Variants in MAML3 observed in about 807,000 individuals in gnomAD.
MAML3 encodes the protein mastermind like transcriptional coactivator 3, also known as mastermind-like protein 3.
In MAML3, 27 loss-of-function variants were observed where a neutral mutation model predicts 101.9. The ratio of observed to expected loss-of-function variants is 0.27; its 90% confidence interval spans 0.20 to 0.37. The LOEUF is 0.37. Ranked by LOEUF, MAML3 falls within the 10% of genes least tolerant of loss-of-function variation. The probability of loss-of-function intolerance (pLI) is 1.00; values close to 1 mark genes in which losing one functional copy is unlikely to be tolerated. For synonymous variants in MAML3, 501 were observed against 555.9 expected, an observed-to-expected ratio of 0.90 and a Z score of 1.39; for missense variants, 1,316 against 1,444.9, an observed-to-expected ratio of 0.91 and a Z score of 1.45.
At chr4:139,829,100 GGAAA>G (rs34351788) in intron 2 of MAML3, among the ~76,000 whole-genome samples, 2,881 of 147,342 alleles carry the variant, frequency 0.02, 102 homozygotes, top group African/African-American at 0.068. Flanking sequence ...AAGGGGAAAA[GGAAA>G]GAAAGGAAGA....
intron 2 of MAML3, among the ~76,000 whole-genome samples, chr4:139,741,443 T>A (rs780708385): frequency 1.3e-5 from 2 of 152,212 alleles, no homozygotes; most frequent in Non-Finnish European, 2.9e-5. Flanking sequence ...AAATAGCATC[T>A]ATTTTACAGC....
At chr4:140,138,806 T>C (rs1315795595) in intron 1 of MAML3, among the ~76,000 whole-genome samples, 1 of 152,204 alleles carries the variant, frequency 6.6e-6, no homozygotes. Flanking sequence ...GTATTATCAC[T>C]TAGGCATCCT....
At chr4:139,782,056 G>T (rs972067286) in intron 2 of MAML3, among the ~76,000 whole-genome samples, 1 of 152,148 alleles carries the variant, frequency 6.6e-6, no homozygotes, top group African/African-American at 2.4e-5. Context: ...GGGACAAAGA[G>T]ATCTGAGTAA....
intron 2 of MAML3, among the ~76,000 whole-genome samples, chr4:139,876,129 G>GA (rs370989625): frequency 2.7e-5 from 4 of 150,254 alleles, no homozygotes; most frequent in Admixed American, 1.3e-4. Context: ...CACTTGGTAT[G>GA]AAAAAAAAAG....
At chr4:140,006,328 G>A (rs977228014) in intron 1 of MAML3, among the ~76,000 whole-genome samples, 2 of 152,100 alleles carry the variant, frequency 1.3e-5, no homozygotes, top group South Asian at 2.1e-4. Flanking sequence ...GCTCACCCCT[G>A]TAATCCCAGC....
At chr4:139,828,975 G>GAGGAAGGAAGGA (rs548032946) in intron 2 of MAML3, among the ~76,000 whole-genome samples, 23 of 135,200 alleles carry the variant, frequency 1.7e-4, no homozygotes, top group Middle Eastern at 4.0e-3. Context: ...CCTGTTGAAA[G>GAGGAAGGAAGGA]AGGAAGGAAG....
chr4:140,034,552 G>A (rs1726955684), intron 1 of MAML3, among the ~76,000 whole-genome samples: 1 of 152,154 alleles, frequency 6.6e-6, no homozygotes. Context: ...AATGATGTCT[G>A]ATCACCTCAC....
intron 1 of MAML3, among the ~76,000 whole-genome samples, chr4:140,027,264 A>G (rs149015799): frequency 2.0e-5 from 3 of 152,290 alleles, no homozygotes; most frequent in African/African-American, 7.2e-5. Flanking sequence ...TGTTTTCCTC[A>G]TGGTGTAACA....
chr4:140,095,225 A>C (rs1388218637), intron 1 of MAML3, among the ~76,000 whole-genome samples: 1 of 152,112 alleles, frequency 6.6e-6, no homozygotes, highest in Non-Finnish European at 1.5e-5. Flanking sequence ...CTTCCTGCCT[A>C]ATCTATTCCC....
intron 1 of MAML3, among the ~76,000 whole-genome samples, chr4:139,925,526 G>C (rs544245466): frequency 1.3e-5 from 2 of 151,168 alleles, no homozygotes; most frequent in African/African-American, 2.4e-5. Flanking sequence ...CACTGGATCC[G>C]GCCCCAGTCC....
At chr4:139,826,097 G>T (rs923087438) in intron 2 of MAML3, among the ~76,000 whole-genome samples, 3 of 151,928 alleles carry the variant, frequency 2.0e-5, no homozygotes, top group Non-Finnish European at 4.4e-5. Context: ...GCTAGGATGG[G>T]TCTCTGATTC....
intron 1 of MAML3, among the ~76,000 whole-genome samples, chr4:139,960,812 C>T (rs1342328048): frequency 2.6e-5 from 4 of 152,038 alleles, no homozygotes; most frequent in African/African-American, 9.7e-5. Context: ...TGAGGAAAAC[C>T]TGGTGGCAAA....
At chr4:140,122,756 C>T (rs1560900571) in intron 1 of MAML3, among the ~76,000 whole-genome samples, 1 of 137,340 alleles carries the variant, frequency 7.3e-6, no homozygotes, top group Non-Finnish European at 1.5e-5. Context: ...CCCGCCACTG[C>T]ACTCCAGCCT....
At chr4:139,997,946 T>C (rs1177703459) in intron 1 of MAML3, among the ~76,000 whole-genome samples, 1 of 152,160 alleles carries the variant, frequency 6.6e-6, no homozygotes, top group African/African-American at 2.4e-5. Context: ...ATTTTTCTCT[T>C]GGTGCTGTCA....
chr4:139,827,381 G>C (rs1731079971), intron 2 of MAML3, among the ~76,000 whole-genome samples: 1 of 152,214 alleles, frequency 6.6e-6, no homozygotes, highest in Non-Finnish European at 1.5e-5. Context: ...GCTGTGGACT[G>C]GGTTAAGGTG....
chr4:139,797,548 T>C (rs1023584310), intron 2 of MAML3, among the ~76,000 whole-genome samples: 5 of 152,012 alleles, frequency 3.3e-5, no homozygotes, highest in African/African-American at 9.7e-5. Flanking sequence ...CTCCCATTCA[T>C]AGCAAGGACA....
intron 1 of MAML3, among the ~76,000 whole-genome samples, chr4:140,104,340 C>CAA (rs1434080787): frequency 7.2e-5 from 2 of 27,660 alleles, no homozygotes; most frequent in Admixed American, 5.7e-4. Context: ...AGCCCTGTCT[C>CAA]AAAAAAAAAA....
rs142805610 is a variant in MAML3 at position 139,919,715 on chromosome 4, C to A, written c.469-28748G>T. On this transcript the variant is annotated intron_variant, in intron 1 of 4. Transcript: ENST00000509479. ...GTGCAGCTGAACACAGGAGTTCAGC[C>A]CTAGAGGTCTAGTTTACTATTTATA... 1.6e-3 allele frequency among the ~76,000 whole-genome samples: 241 copies of A among 152,170 alleles called. 2 individuals are homozygous for A. Among genetic ancestry groups the A allele is most frequent in the African/African-American group, 5.4e-3 (224 of 41,512 alleles).
At position 139,969,309 on chromosome 4, in the gene MAML3, G is replaced by A. The variant is rs1003069766; in HGVS notation, c.469-78342C>T. Among the ~76,000 whole-genome samples the A allele has an allele frequency of 9.2e-5, 14 of 151,544 alleles. No individual in the cohort carries two copies. In the East Asian group the frequency reaches 1.7e-3, roughly 19 times the overall value. ...GTAGGTAGATAGAGAGGCAGGGCACGGGAAGAGAGACAGACTGATTTAAAA... is the reference window on the plus strand; with the variant it reads ...GTAGGTAGATAGAGAGGCAGGGCACAGGAAGAGAGACAGACTGATTTAAAA... On this transcript the variant is annotated intron_variant, in intron 1 of 4. Transcript: ENST00000509479.
Sources: allele counts gnomAD v4.1 joint callset (sites outside exome capture counted in the v4.1 genomes callset), GRCh38; gene constraint gnomAD v4.1.1; transcripts MANE v1.5; gene names NCBI Gene and HGNC (gene_info 2026-07-23, HGNC 2026-07-21).